The following PTPN14 variants were observed in gnomAD, a reference collection of about 807,000 sequenced individuals.
The protein encoded by PTPN14 is tyrosine-protein phosphatase non-receptor type 14.
A neutral mutation model predicts 126.8 loss-of-function variants in PTPN14; 53 were observed. The observed-to-expected ratio is 0.42, with a 90% CI of 0.34 to 0.53. PTPN14 has a LOEUF of 0.53. Among genes scored for constraint, PTPN14 ranks in the 20% least tolerant of loss-of-function variants. PTPN14 has a pLI of 0.08. For missense variants in PTPN14, 1,257 were observed against 1,552.9 expected, an observed-to-expected ratio of 0.81 and a Z score of 3.20; for synonymous variants, 630 against 599.3, an observed-to-expected ratio of 1.05 and a Z score of -0.75.
At chr1:214,397,873 A>G in intron 8 of PTPN14, 40 bp downstream of exon 8, 1 of 1,485,492 alleles carries the variant, frequency 6.7e-7, no homozygotes, top group Non-Finnish European at 9.4e-7. Flanking sequence ...CAGTTCCTCA[A>G]GGTAAAAAAG....
intron 1 of PTPN14, among the ~76,000 whole-genome samples, chr1:214,544,164 G>A (rs184582441): frequency 2.1e-4 from 32 of 152,326 alleles, no homozygotes; most frequent in Non-Finnish European, 2.9e-5. Flanking sequence ...AGGGGCCCAC[G>A]CCTGGAATCC....
At chr1:214,550,273 C>T (rs1005995859) in intron 1 of PTPN14, among the ~76,000 whole-genome samples, 13 of 152,206 alleles carry the variant, frequency 8.5e-5, no homozygotes, top group African/African-American at 3.1e-4. Flanking sequence ...GAAGTTAACA[C>T]ATTGGTGGAA....
At chr1:214,409,181 A>G (rs115558404) in intron 5 of PTPN14, among the ~76,000 whole-genome samples, 2,611 of 152,328 alleles carry the variant, frequency 0.017, 82 homozygotes, top group African/African-American at 0.059. Context: ...CTGTGCAGCA[A>G]ATCACCAGAA....
rs549847772 is a variant in PTPN14, at chr1:214,397,938, T to A, written c.733A>T (p.Ile245Phe). Residue 245 changes from isoleucine to phenylalanine, a missense_variant, in exon 8 of 19, where the codon ATT becomes TTT. This residue lies in a region of PTPN14 where 1,021 missense variants were observed against 1,183.3 expected (regional missense o/e 0.86). Transcript: ENST00000366956. ...CTGTATATTACCGCTTGTCTTCCAA[T>A]TCTGTTCCTCACGAAAATCCCCATA... ...FFMGIFVRNR[I>F]GRQAVIYRWN... is the part of the protein sequence containing the mutation. 2 of 1,611,996 alleles carry A rather than the reference T, an allele frequency of 1.2e-6. No homozygotes were observed. Among genetic ancestry groups the A allele is most frequent in the South Asian group, 2.2e-5 (2 of 90,996 alleles).
intron 1 of PTPN14, among the ~76,000 whole-genome samples, chr1:214,469,958 T>C (rs764120802): frequency 3.9e-5 from 6 of 152,142 alleles, no homozygotes; most frequent in Non-Finnish European, 8.8e-5. Flanking sequence ...TATTGATCTA[T>C]TCTTTAAGAA....
chr1:214,506,203 T>C (rs1028012544), intron 1 of PTPN14, among the ~76,000 whole-genome samples: 5 of 152,182 alleles, frequency 3.3e-5, no homozygotes, highest in Non-Finnish European at 7.3e-5. Flanking sequence ...CGCTAGCTTT[T>C]TTCCTAAATA....
chr1:214,387,724 A>C (rs1421066398), intron 11 of PTPN14, among the ~76,000 whole-genome samples: 2 of 151,966 alleles, frequency 1.3e-5, no homozygotes, highest in Non-Finnish European at 2.9e-5. Context: ...GTAAATTATT[A>C]TAACCCATCT....
intron 1 of PTPN14, among the ~76,000 whole-genome samples, chr1:214,512,178 TCCACCCAGGG>T (rs1214095409): frequency 6.6e-6 from 1 of 152,074 alleles, no homozygotes; most frequent in Non-Finnish European, 1.5e-5. Context: ...TTGCCTTAAA[TCCACCCAGGG>T]CCACCCACCA....
chr1:214,542,657 A>AGG (rs147684325), intron 1 of PTPN14, among the ~76,000 whole-genome samples: 2,653 of 152,216 alleles, frequency 0.017, 24 homozygotes, highest in South Asian at 0.033. Flanking sequence ...GTATTGAAGG[A>AGG]GGGCTTGGAG....
At chr1:214,471,978 CAG>C (rs1363188956) in intron 1 of PTPN14, among the ~76,000 whole-genome samples, 4 of 152,184 alleles carry the variant, frequency 2.6e-5, no homozygotes, top group African/African-American at 9.7e-5. Flanking sequence ...TGGTGTATCA[CAG>C]AGTCTCTCAT....
At position 214,364,325 on chromosome 1, in the gene PTPN14, T is replaced by G. The variant is rs978049388; in HGVS notation, c.3435+187A>C. ...TTATCTGGGTATCTACACGGAGCAG[T>G]GGGAGGGCAAAAAGATAAGGAGGGC... On this transcript the variant is annotated intron_variant, in intron 18 of 18. Coordinates refer to ENST00000366956, the MANE Select transcript of PTPN14 (RefSeq NM_005401.5). This position sits in a 1 kb window ranked among gnomAD's most constrained non-coding sequence, Gnocchi z 4.1. Among the ~76,000 whole-genome samples, 1 of 151,864 alleles carries G rather than the reference T, an allele frequency of 6.6e-6. No homozygotes were observed. The highest frequency in any genetic ancestry group is 1.5e-5 in the Non-Finnish European group (1 of 67,986).
chr1:214,536,689 G>A lies in PTPN14; in HGVS notation c.-155+14494C>T, dbSNP rs12035660. On this transcript the variant is annotated intron_variant, in intron 1 of 18. Transcript: ENST00000366956. Reference sequence around the variant, plus strand: ...ATTCCTAGCTACTCAGGAGGCTGAGGTAGGAAGATCTCAAGATCTTGTCTC... The same window carrying A: ...ATTCCTAGCTACTCAGGAGGCTGAGATAGGAAGATCTCAAGATCTTGTCTC... Among the ~76,000 whole-genome samples the A allele has an allele frequency of 4.0e-4, 61 of 152,190 alleles. No individual in the cohort carries two copies. In the East Asian group the frequency reaches 0.011, roughly 27 times the overall value.
At chr1:214,395,774 G>A (rs1174449816) in intron 8 of PTPN14, among the ~76,000 whole-genome samples, 2 of 152,006 alleles carry the variant, frequency 1.3e-5, no homozygotes, top group Non-Finnish European at 1.5e-5. Context: ...TTCACCTGGT[G>A]CCCCAACCTG....
intron 5 of PTPN14, 116 bp downstream of exon 5, chr1:214,411,568 C>T: frequency 2.8e-6 from 2 of 709,368 alleles, no homozygotes; most frequent in East Asian, 3.1e-5. Flanking sequence ...CTTTATAAAC[C>T]CATCGACTTT....
chr1:214,532,742 T>C, intron 1 of PTPN14: 1 of 787,710 alleles, frequency 1.3e-6, no homozygotes. Context: ...CTCTGCAAGG[T>C]CACTGATGAC....
At chr1:214,510,116 G>C (rs1654936809) in intron 1 of PTPN14, among the ~76,000 whole-genome samples, 1 of 152,134 alleles carries the variant, frequency 6.6e-6, no homozygotes, top group Admixed American at 6.5e-5. Context: ...CAGGGAATAG[G>C]GAGGCGGGAG....
At chr1:214,471,549 A>G (rs1180245556) in intron 1 of PTPN14, among the ~76,000 whole-genome samples, 1 of 150,848 alleles carries the variant, frequency 6.6e-6, no homozygotes, top group African/African-American at 2.4e-5. Flanking sequence ...GTTTGCTCAA[A>G]GCATGGCCAA....
chr1:214,422,271 A>G (rs1659561664), intron 3 of PTPN14, among the ~76,000 whole-genome samples: 1 of 152,202 alleles, frequency 6.6e-6, no homozygotes. Flanking sequence ...TAAATGACTT[A>G]AACTGATCTC....
rs75249863 is a variant in PTPN14, at chr1:214,367,906, G to A, written c.3271+1551C>T. Among the ~76,000 whole-genome samples the A allele has an allele frequency of 7.3e-3, 1,113 of 152,312 alleles. 10 individuals are homozygous for A. Among genetic ancestry groups the A allele is most frequent in the African/African-American group, 0.025 (1,052 of 41,564 alleles). ...CAGAGCCCGATCCAGTGCCTGGCAC[G>A]TAGTGGGTACATGCCCAATTTTGGG... On this transcript the variant is annotated intron_variant, in intron 17 of 18. Transcript: ENST00000366956.
Sources: gnomAD v4.1 joint callset for allele counts (sites outside exome capture counted in the v4.1 genomes callset) on GRCh38, gnomAD v4.1.1 for gene constraint, gnomAD v4.1.1 regional missense constraint, Gnocchi (gnomAD v3.1) non-coding constraint, MANE v1.5 for transcripts, NCBI Gene and HGNC (gene_info 2026-07-23, HGNC 2026-07-21) for gene names.